Variants in OMA1 observed in about 807,000 individuals in gnomAD.
The protein encoded by OMA1 is metalloendopeptidase OMA1, mitochondrial.
A neutral mutation model predicts 30.9 loss-of-function variants in OMA1; 38 were observed. That is an observed-to-expected ratio of 1.23 (90% CI 0.95 to 1.61). OMA1 has a LOEUF of 1.61. OMA1 is among the 40% of genes most tolerant of loss of function. The probability of loss-of-function intolerance (pLI) is 0.00; values close to 1 mark genes in which losing one functional copy is unlikely to be tolerated. For synonymous variants in OMA1, 173 were observed against 121.9 expected (o/e 1.42, Z -2.76); for missense variants, 461 against 349.2 (o/e 1.32, Z -2.55).
At chr1:58,503,903 CG>C (rs1197334141) in intron 8 of OMA1, among the ~76,000 whole-genome samples, 2 of 152,178 alleles carry the variant, frequency 1.3e-5, no homozygotes, top group Non-Finnish European at 2.9e-5. Flanking sequence ...ACAAAAGGCA[CG>C]AAGTATGCCT....
At chr1:58,512,965 C>CA (rs1646104530) in intron 7 of OMA1, among the ~76,000 whole-genome samples, 1 of 152,144 alleles carries the variant, frequency 6.6e-6, no homozygotes, top group South Asian at 2.1e-4. Flanking sequence ...AATAAATACT[C>CA]AGTTTATCAC....
chr1:58,486,087 T>C (rs61781783), intron 8 of OMA1, among the ~76,000 whole-genome samples: 4,917 of 152,304 alleles, frequency 0.032, 114 homozygotes, highest in Non-Finnish European at 0.047. Flanking sequence ...GTGAGGTATT[T>C]TACACATCTA....
At chr1:58,532,510 T>G (rs1646449378) in intron 5 of OMA1, among the ~76,000 whole-genome samples, 1 of 152,200 alleles carries the variant, frequency 6.6e-6, no homozygotes, top group South Asian at 2.1e-4. Flanking sequence ...TATATTTGTT[T>G]AAGAAAAAAA....
At chr1:58,499,517 G>T (rs183876250) in intron 8 of OMA1, among the ~76,000 whole-genome samples, 1 of 148,508 alleles carries the variant, frequency 6.7e-6, no homozygotes, top group African/African-American at 2.5e-5. Context: ...TAAATAGATA[G>T]ATAGATAGAT....
intron 8 of OMA1, among the ~76,000 whole-genome samples, chr1:58,497,246 G>A (rs1645819337): frequency 6.6e-6 from 1 of 152,126 alleles, no homozygotes; most frequent in Non-Finnish European, 1.5e-5. Flanking sequence ...AGGGAGGGGG[G>A]TACTGTCCTA....
At chr1:58,524,316 A>G (rs1180071460) in intron 7 of OMA1, among the ~76,000 whole-genome samples, 1 of 152,234 alleles carries the variant, frequency 6.6e-6, no homozygotes, top group African/African-American at 2.4e-5. Flanking sequence ...CTTGGTCAGC[A>G]GAAGCTGCTT....
rs532737625 is a variant in OMA1, at chr1:58,493,722, A to T, written c.1365+12338T>A. On this transcript the variant is annotated intron_variant, in intron 8 of 8. Transcript: ENST00000371226. Reference sequence around the variant, plus strand: ...ATCCAACTTACAAGGGATGTGAAGGACCTCTTCAAGGAGAACTACAAACCA... The same window carrying T: ...ATCCAACTTACAAGGGATGTGAAGGTCCTCTTCAAGGAGAACTACAAACCA... 5.7e-4 allele frequency among the ~76,000 whole-genome samples: 86 copies of T among 151,922 alleles called. 1 individual carries two copies. The East Asian group carries it at 0.01, about 18-fold the overall frequency.
intron 7 of OMA1, among the ~76,000 whole-genome samples, chr1:58,525,682 C>T (rs1646338055): frequency 1.3e-5 from 2 of 152,072 alleles, no homozygotes; most frequent in Non-Finnish European, 2.9e-5. Flanking sequence ...AATCAAAACC[C>T]CATGTGTTTT....
At chr1:58,538,554 T>C (rs997544410) in intron 2 of OMA1, among the ~76,000 whole-genome samples, 4 of 152,274 alleles carry the variant, frequency 2.6e-5, no homozygotes, top group South Asian at 4.1e-4. Flanking sequence ...TTCTATACCA[T>C]AAATTAGTAT....
At position 58,481,027 on chromosome 1, in the gene OMA1, G is replaced by C; in HGVS notation, c.1513C>G (p.Pro505Ala). The change falls in exon 9 of 9, where the codon CCT (proline) becomes GCT (alanine). Residue 505 changes from proline (P) to alanine (A), a missense_variant. By Grantham distance (27) the Pro-to-Ala change is conservative. Transcript: ENST00000371226. ...GGTATTTGCTCCTGTTTTTGAATAG[G>C]AAGAGTATCCATTTTCTGTTTCTTC... ...ITKKQKMDTL[P>A]IQKQEQIPLT... The C allele has an allele frequency of 1.1e-6, 1 of 871,562 alleles. No homozygotes were observed. 54.0% of individuals were successfully genotyped at this position (871,562 alleles called of 1,614,324 possible).
At chr1:58,525,553 G>A (rs767694521) in intron 7 of OMA1, among the ~76,000 whole-genome samples, 3 of 151,698 alleles carry the variant, frequency 2.0e-5, no homozygotes, top group Admixed American at 1.3e-4. Flanking sequence ...TCAAAACATC[G>A]AGAAAAATTA....
intron 7 of OMA1, among the ~76,000 whole-genome samples, chr1:58,516,807 T>C (rs1406405373): frequency 6.6e-6 from 1 of 152,166 alleles, no homozygotes; most frequent in Non-Finnish European, 1.5e-5. Flanking sequence ...AAAATCAGAA[T>C]GCCAACTTCT....
intron 5 of OMA1, among the ~76,000 whole-genome samples, chr1:58,531,187 A>C (rs1329233303): frequency 6.6e-6 from 1 of 152,168 alleles, no homozygotes. Flanking sequence ...GTTTTATTTT[A>C]CTAATATTTT....
At chr1:58,509,400 C>T (rs1257952253) in intron 7 of OMA1, among the ~76,000 whole-genome samples, 1 of 150,346 alleles carries the variant, frequency 6.7e-6, no homozygotes, top group Non-Finnish European at 1.5e-5. Context: ...CCTGAACAGC[C>T]TATGGGTCAA....
intron 8 of OMA1, among the ~76,000 whole-genome samples, chr1:58,498,085 T>G (rs1451100702): frequency 6.6e-6 from 1 of 152,086 alleles, no homozygotes; most frequent in Admixed American, 6.6e-5. Flanking sequence ...AAAATACTTC[T>G]GAGAAAAACA....
intron 7 of OMA1, among the ~76,000 whole-genome samples, 185 bp from the exon 8 acceptor site, chr1:58,506,394 G>A (rs181531567): frequency 3.0e-3 from 458 of 152,108 alleles, no homozygotes; most frequent in Non-Finnish European, 3.9e-3. Context: ...CCATTAACTC[G>A]TCATTTAGCA....
intron 8 of OMA1, among the ~76,000 whole-genome samples, chr1:58,484,897 TAGGGGGAGGG>T (rs1014331243): frequency 4.6e-5 from 7 of 151,968 alleles, no homozygotes; most frequent in African/African-American, 1.7e-4. Context: ...TGCCAGGGGC[TAGGGGGAGGG>T]AGGAATGAGT....
chr1:58,529,942 G>A (rs1646408414), intron 6 of OMA1, among the ~76,000 whole-genome samples: 1 of 151,784 alleles, frequency 6.6e-6, no homozygotes, highest in East Asian at 1.9e-4. Context: ...GTGCAGTGGC[G>A]CAATCTCGGC....
rs1645472184 is a variant in OMA1 at position 58,481,029 on chromosome 1, A to C, written c.1511T>G (p.Leu504Arg). The C allele has an allele frequency of 1.1e-6, 1 of 871,762 alleles. No homozygotes were observed. The highest frequency in any genetic ancestry group is 2.0e-6 in the Non-Finnish European group (1 of 501,240). The allele number at this position is 871,762 out of a possible 1,614,324, so 54.0% of individuals were successfully genotyped here. A position where few individuals can be genotyped will look rare whatever the true frequency, so the allele number is the denominator to read the frequency against. The change falls in exon 9 of 9, where the codon CTT becomes CGT. Residue 504 changes from leucine (L) to arginine (R), a missense_variant. Physicochemically the swap from Leu to Arg is moderately radical, Grantham distance 102. Coordinates refer to ENST00000371226, the MANE Select transcript of OMA1 (RefSeq NM_145243.5). ...TATTTGCTCCTGTTTTTGAATAGGA[A>C]GAGTATCCATTTTCTGTTTCTTCGT... ...NITKKQKMDT[L>R]PIQKQEQIPL...
Sources: gnomAD v4.1 joint callset for allele counts (sites outside exome capture counted in the v4.1 genomes callset) on GRCh38, gnomAD v4.1.1 for gene constraint, MANE v1.5 for transcripts, NCBI Gene and HGNC (gene_info 2026-07-23, HGNC 2026-07-21) for gene names.